The following DGKB variants were observed in gnomAD, a reference collection of about 807,000 sequenced individuals.
The protein encoded by DGKB is 90 kDa diacylglycerol kinase.
DGKB carries 67 observed loss-of-function variants against 114.3 expected under a neutral mutation model. The ratio of observed to expected loss-of-function variants is 0.59; its 90% CI spans 0.48 to 0.72. The LOEUF is 0.72. DGKB is among the 30% of genes least tolerant of loss of function. DGKB has a pLI of 0.00. For missense variants in DGKB, 907 were observed against 975.2 expected, an observed-to-expected ratio of 0.93 and a Z score of 0.93; for synonymous variants, 398 against 323.1, an observed-to-expected ratio of 1.23 and a Z score of -2.49.
chr7:14,707,584 C>A (rs1375270337), intron 6 of DGKB, among the ~76,000 whole-genome samples: 7 of 82,058 alleles, frequency 8.5e-5, no homozygotes, highest in East Asian at 1.2e-3. Context: ...TACTGGCAAA[C>A]CGAATCCAGC....
intron 25 of DGKB, chr7:14,176,215 A>C (rs1459958974): frequency 2.8e-6 from 1 of 354,878 alleles, no homozygotes; most frequent in African/African-American, 2.2e-5. Context: ...GGTCTTGTTC[A>C]TGTGTCTACT....
At chr7:14,291,828 TG>T (rs1378942327) in intron 23 of DGKB, among the ~76,000 whole-genome samples, 1 of 152,184 alleles carries the variant, frequency 6.6e-6, no homozygotes, top group African/African-American at 2.4e-5. Context: ...AAGATCTTGT[TG>T]CCCTGAACAT....
chr7:14,672,303 T>A (rs777334230), intron 13 of DGKB, among the ~76,000 whole-genome samples: 6 of 152,100 alleles, frequency 3.9e-5, no homozygotes, highest in Non-Finnish European at 5.9e-5. Flanking sequence ...CAAAGTAATT[T>A]GGGTTTTGAA....
In DGKB at chr7:14,164,953, T is replaced by G. The variant is rs560003206; in HGVS notation, c.2304+11886A>C. Among the ~76,000 whole-genome samples the G allele has an allele frequency of 4.6e-5, 7 of 152,298 alleles. No homozygotes were observed. In the East Asian group the frequency reaches 9.6e-4, roughly 21 times the overall value. On this transcript the variant is annotated intron_variant, in intron 25 of 25. Transcript: ENST00000402815. ...CTTTGTGACTCGTAGGTAGCAGGTT[T>G]TAGGACTAGGAAAATAATTCCAAGA...
intron 21 of DGKB, among the ~76,000 whole-genome samples, chr7:14,404,803 G>A (rs1823676737): frequency 6.6e-6 from 1 of 151,540 alleles, no homozygotes; most frequent in South Asian, 2.1e-4. Flanking sequence ...CTCATGTCTG[G>A]GAACCTACAC....
chr7:14,483,152 A>G (rs1165289151), intron 20 of DGKB, among the ~76,000 whole-genome samples: 1 of 152,128 alleles, frequency 6.6e-6, no homozygotes, highest in East Asian at 1.9e-4. Flanking sequence ...TCAGATCCTA[A>G]TAACTGGAAC....
At chr7:14,662,621 T>C (rs62448672) in intron 13 of DGKB, among the ~76,000 whole-genome samples, 3,242 of 152,034 alleles carry the variant, frequency 0.021, 50 homozygotes, top group South Asian at 0.039. Flanking sequence ...CTTCTTTACT[T>C]AATGAGATTA....
At chr7:14,265,966 A>G (rs1257888639) in intron 23 of DGKB, among the ~76,000 whole-genome samples, 2 of 152,156 alleles carry the variant, frequency 1.3e-5, no homozygotes, top group Non-Finnish European at 2.9e-5. Flanking sequence ...ACAGTGGCGA[A>G]AGAGGGTAGC....
rs1486312653 is a variant in DGKB at position 14,231,082 on chromosome 7, C to CCTTTCTTTCTCTCTTT, written c.2123-52932_2123-52931insAAAGAGAGAAAGAAAG. On this transcript the variant is annotated intron_variant, in intron 23 of 25. Coordinates refer to ENST00000402815, the MANE Select transcript of DGKB (RefSeq NM_001350709.2). The stretch of plus-strand genomic sequence containing the variant: ...AAGGTTAAAAATTCTTTCTTCTTTC[C>CCTTTCTTTCTCTCTTT]CTTTCTTTCTTTCTTTCTTTCTTTC... Among the ~76,000 whole-genome samples, 242 of 121,874 alleles carry CCTTTCTTTCTCTCTTT rather than the reference C, an allele frequency of 2.0e-3. 4 individuals carry two copies. The highest frequency in any genetic ancestry group is 4.0e-3 in the Middle Eastern group (1 of 250). 80.0% of individuals were successfully genotyped at this position (121,874 alleles called of 152,430 possible).
intron 23 of DGKB, among the ~76,000 whole-genome samples, chr7:14,218,012 CA>C (rs1789283605): frequency 6.6e-6 from 1 of 152,020 alleles, no homozygotes; most frequent in African/African-American, 2.4e-5. Flanking sequence ...TACTAATATG[CA>C]AATATTAGCT....
intron 20 of DGKB, among the ~76,000 whole-genome samples, chr7:14,521,033 T>C (rs74542258): frequency 0.013 from 1,986 of 152,246 alleles, 23 homozygotes; most frequent in Non-Finnish European, 0.02. Flanking sequence ...TTCCACTATC[T>C]TTTGGCCTTT....
chr7:14,295,019 G>A (rs1460991435), intron 23 of DGKB, among the ~76,000 whole-genome samples: 2 of 152,102 alleles, frequency 1.3e-5, no homozygotes, highest in African/African-American at 2.4e-5. Flanking sequence ...TCCATCAACA[G>A]GTATCAAACT....
chr7:14,399,270 A>T (rs750190661), intron 21 of DGKB, among the ~76,000 whole-genome samples: 5 of 151,808 alleles, frequency 3.3e-5, no homozygotes. Flanking sequence ...ATTCATTATT[A>T]TAAATATATA....
At chr7:14,614,110 G>C (rs1806099122) in intron 15 of DGKB, among the ~76,000 whole-genome samples, 1 of 152,244 alleles carries the variant, frequency 6.6e-6, no homozygotes, top group African/African-American at 2.4e-5. Flanking sequence ...TCAGCTCTCA[G>C]TTGAACAAGA....
intron 1 of DGKB, among the ~76,000 whole-genome samples, chr7:14,900,596 A>G (rs1296392612): frequency 6.6e-6 from 1 of 152,092 alleles, no homozygotes; most frequent in East Asian, 1.9e-4. Flanking sequence ...GTGCAAGAAA[A>G]AGCATCAGTC....
chr7:14,377,389 T>C (rs927344082), intron 21 of DGKB, among the ~76,000 whole-genome samples: 1 of 152,232 alleles, frequency 6.6e-6, no homozygotes, highest in Non-Finnish European at 1.5e-5. Context: ...AAAATTGTTT[T>C]ATTCCCGTGA....
intron 21 of DGKB, among the ~76,000 whole-genome samples, chr7:14,372,774 AT>A (rs1361527288): frequency 3.3e-5 from 5 of 152,002 alleles, no homozygotes; most frequent in Non-Finnish European, 7.4e-5. Context: ...ATAAATGGCT[AT>A]TTTTTCAAAC....
At chr7:14,262,231 C>T (rs377599015) in intron 23 of DGKB, among the ~76,000 whole-genome samples, 5 of 152,254 alleles carry the variant, frequency 3.3e-5, no homozygotes, top group South Asian at 2.1e-4. Flanking sequence ...GTAGAATTTA[C>T]GTTGTAGAAT....
chr7:14,400,874 T>C (rs747248986), intron 21 of DGKB, among the ~76,000 whole-genome samples: 3 of 151,770 alleles, frequency 2.0e-5, no homozygotes, highest in Non-Finnish European at 2.9e-5. Context: ...GAAAACATAG[T>C]CAAGTTTAAG....
Sources: allele counts gnomAD v4.1 joint callset (sites outside exome capture counted in the v4.1 genomes callset), GRCh38; gene constraint gnomAD v4.1.1; transcripts MANE v1.5; gene names NCBI Gene and HGNC (gene_info 2026-07-23, HGNC 2026-07-21).